The following ZBTB16 variants were observed in gnomAD, a reference collection of about 807,000 sequenced individuals.
The protein encoded by ZBTB16 is zinc finger and BTB domain containing 16, also known as zinc finger and BTB domain-containing protein 16.
Under a neutral mutation model 56.8 loss-of-function variants are expected in ZBTB16, and 8 were observed. That is an observed-to-expected ratio of 0.14 (90% CI 0.08 to 0.25). The LOEUF is 0.25. ZBTB16 is among the 10% of genes least tolerant of loss of function. The probability of loss-of-function intolerance (pLI) is 1.00; values close to 1 mark genes in which losing one functional copy is unlikely to be tolerated. For missense variants in ZBTB16, 625 were observed against 903.0 expected (o/e 0.69, Z 3.95); for synonymous variants, 363 against 368.5 (o/e 0.98, Z 0.17).
chr11:114,186,870 T>C (rs1398663883), intron 3 of ZBTB16, 82 bp from the exon 4 acceptor site: 1 of 1,367,682 alleles, frequency 7.3e-7, no homozygotes, highest in Non-Finnish European at 1.0e-6. Context: ...CCCTAGTGTC[T>C]ACCTGCACAG....
At chr11:114,114,687 T>C (rs1005917009) in intron 2 of ZBTB16, among the ~76,000 whole-genome samples, 4 of 151,590 alleles carry the variant, frequency 2.6e-5, no homozygotes, top group African/African-American at 7.3e-5. Flanking sequence ...TTTTTCTTTT[T>C]TTTTTTTTTT....
chr11:114,092,575 C>T (rs1197482346), intron 2 of ZBTB16, among the ~76,000 whole-genome samples: 1 of 152,212 alleles, frequency 6.6e-6, no homozygotes, highest in African/African-American at 2.4e-5. Flanking sequence ...GTTTCAGGGA[C>T]AGCAATAGAC....
At chr11:114,242,614 T>C (rs1407204002) in intron 5 of ZBTB16, among the ~76,000 whole-genome samples, 1 of 152,188 alleles carries the variant, frequency 6.6e-6, no homozygotes, top group Non-Finnish European at 1.5e-5. Flanking sequence ...TTTTATTCCA[T>C]GGGTCCAGGG....
intron 4 of ZBTB16, among the ~76,000 whole-genome samples, chr11:114,213,457 A>G (rs938797587): frequency 6.6e-6 from 1 of 152,200 alleles, no homozygotes; most frequent in African/African-American, 2.4e-5. Context: ...TAAATTAGCG[A>G]ATGCTAATTT....
intron 2 of ZBTB16, among the ~76,000 whole-genome samples, chr11:114,066,806 C>G (rs533885157): frequency 7.4e-6 from 1 of 135,086 alleles, no homozygotes; most frequent in Admixed American, 8.5e-5. Flanking sequence ...GAGTCTCGCT[C>G]TGTCACCGGG....
At chr11:114,091,110 AGGCCGAG>A (rs1326024624) in intron 2 of ZBTB16, among the ~76,000 whole-genome samples, 1 of 152,122 alleles carries the variant, frequency 6.6e-6, no homozygotes, top group Non-Finnish European at 1.5e-5. Flanking sequence ...GCACTTCGGG[AGGCCGAG>A]GTGGAAGGAT....
intron 2 of ZBTB16, among the ~76,000 whole-genome samples, chr11:114,088,198 G>A (rs1276490231): frequency 1.4e-5 from 2 of 143,004 alleles, no homozygotes; most frequent in East Asian, 4.2e-4. Context: ...CTGGAGTGTA[G>A]TGGCATGAAC....
At chr11:114,115,605 A>G (rs1941148105) in intron 2 of ZBTB16, among the ~76,000 whole-genome samples, 3 of 152,140 alleles carry the variant, frequency 2.0e-5, no homozygotes, top group Admixed American at 2.0e-4. Flanking sequence ...CTGGGTGTAC[A>G]CCAGCTTTCC....
intron 2 of ZBTB16, among the ~76,000 whole-genome samples, chr11:114,070,334 T>G (rs1939299511): frequency 6.6e-6 from 1 of 151,518 alleles, no homozygotes; most frequent in African/African-American, 2.4e-5. Flanking sequence ...GGTCTCGATC[T>G]CCTGACCTCA....
intron 3 of ZBTB16, among the ~76,000 whole-genome samples, chr11:114,166,201 C>CGTGTGTGTGT (rs3057730): frequency 1.3e-3 from 170 of 134,160 alleles, no homozygotes; most frequent in Middle Eastern, 0.011. Context: ...GACTGGTCTA[C>CGTGTGTGTGT]GTGTGTGTGT....
rs373407914 is a variant in ZBTB16, at chr11:114,176,006, C to CGT, written c.1367-10929_1367-10928dup. ...GTGTGTGTGTGTGTGTGTGTGCGTGCGTGTGTGTGTGTGTGTGTATGTGTG... is the reference window on the plus strand; with the variant it reads ...GTGTGTGTGTGTGTGTGTGTGCGTGCGTGTGTGTGTGTGTGTGTGTATGTGTG... On this transcript the variant is annotated intron_variant, in intron 3 of 6. Transcript: ENST00000335953. Among the ~76,000 whole-genome samples the CGT allele has an allele frequency of 8.3e-3, 1,214 of 146,732 alleles. 14 individuals carry two copies. Among genetic ancestry groups the CGT allele is most frequent in the African/African-American group, 0.027 (1,064 of 39,834 alleles).
At chr11:114,184,067 T>G (rs1461639194) in intron 3 of ZBTB16, among the ~76,000 whole-genome samples, 1 of 152,250 alleles carries the variant, frequency 6.6e-6, no homozygotes, top group Non-Finnish European at 1.5e-5. Flanking sequence ...CAATATTTAT[T>G]TTTAAAGCTC....
chr11:114,079,005 G>A lies in ZBTB16; in HGVS notation c.1268+14437G>A, dbSNP rs569091143. Among the ~76,000 whole-genome samples the A allele has an allele frequency of 1.5e-3, 225 of 151,460 alleles. 1 individual carries two copies. The highest frequency in any genetic ancestry group is 4.7e-3 in the African/African-American group (196 of 41,388). On this transcript the variant is annotated intron_variant, in intron 2 of 6. Coordinates refer to ENST00000335953, the MANE Select transcript of ZBTB16 (RefSeq NM_006006.6). ...CAGGTGCCTGTAATCCCAGCTAGTC[G>A]GGAGAGGCTGAGGCAGGAAAATTGC...
At chr11:114,214,171 C>T (rs952938477) in intron 4 of ZBTB16, among the ~76,000 whole-genome samples, 2 of 152,148 alleles carry the variant, frequency 1.3e-5, no homozygotes, top group Non-Finnish European at 2.9e-5. Context: ...TCTGGACCCC[C>T]ATAGTAAGGG....
chr11:114,190,758 C>T (rs4084235), intron 4 of ZBTB16, among the ~76,000 whole-genome samples: 144 of 111,708 alleles, frequency 1.3e-3, no homozygotes, highest in African/African-American at 3.6e-3. Context: ...CACACACACA[C>T]ATATATATAC....
chr11:114,116,245 G>A (rs1386096406), intron 2 of ZBTB16, among the ~76,000 whole-genome samples: 1 of 152,210 alleles, frequency 6.6e-6, no homozygotes, highest in East Asian at 1.9e-4. Context: ...CAGTCTTCCT[G>A]TAGTTACTGA....
At chr11:114,240,228 G>C (rs1944674292) in intron 4 of ZBTB16, among the ~76,000 whole-genome samples, 2 of 152,304 alleles carry the variant, frequency 1.3e-5, no homozygotes, top group South Asian at 4.1e-4. Context: ...AGAAGTGTGG[G>C]GGACAGTGAG....
At chr11:114,122,174 G>A (rs964858107) in intron 2 of ZBTB16, among the ~76,000 whole-genome samples, 1 of 152,212 alleles carries the variant, frequency 6.6e-6, no homozygotes, top group Non-Finnish European at 1.5e-5. Context: ...AGGCATATAG[G>A]AGGAAAAACA....
chr11:114,083,932 CCAGG>C (rs1197338572), intron 2 of ZBTB16, among the ~76,000 whole-genome samples: 1 of 152,088 alleles, frequency 6.6e-6, no homozygotes, highest in Non-Finnish European at 1.5e-5. Flanking sequence ...TCAGATACTT[CCAGG>C]ATGATAAATC....
Sources: allele counts gnomAD v4.1 joint callset (sites outside exome capture counted in the v4.1 genomes callset), GRCh38; gene constraint gnomAD v4.1.1; transcripts MANE v1.5; gene names NCBI Gene and HGNC (gene_info 2026-07-23, HGNC 2026-07-21).